SCAP: variants seen among roughly 807,000 people sequenced by gnomAD.
SCAP encodes the protein sterol regulatory element-binding protein cleavage-activating protein.
A neutral mutation model predicts 123.6 loss-of-function variants in SCAP; 65 were observed. The observed-to-expected ratio is 0.53, with a 90% CI of 0.43 to 0.65. SCAP has a LOEUF of 0.65. Ranked by LOEUF, SCAP falls within the 30% of genes least tolerant of loss-of-function variation. The probability of loss-of-function intolerance (pLI) is 0.00; values close to 1 mark genes in which losing one functional copy is unlikely to be tolerated. For synonymous variants in SCAP, 740 were observed against 726.3 expected (o/e 1.02, Z -0.30); for missense variants, 1,398 against 1,712.5 (o/e 0.82, Z 3.24).
At chr3:47,431,734 T>C (rs976937895) in intron 3 of SCAP, among the ~76,000 whole-genome samples, 1 of 152,196 alleles carries the variant, frequency 6.6e-6, no homozygotes, top group African/African-American at 2.4e-5. Context: ...CAATGTGATT[T>C]ATCACTGCTG....
chr3:47,420,980 T>C lies in SCAP; in HGVS notation c.1295A>G (p.Gln432Arg), dbSNP rs1470759589. The change falls in exon 11 of 23, where the codon CAG becomes CGG. Residue 432 changes from glutamine to arginine, a missense_variant. Transcript: ENST00000265565. This position sits in a 1 kb window ranked among gnomAD's most constrained non-coding sequence, Gnocchi z 5.0. ...CAGGACAGTGGTGAAAAACAGCATCTGAAGGAAGAAGTCAGACACCAGCCC... is the reference window on the plus strand; with the variant it reads ...CAGGACAGTGGTGAAAAACAGCATCCGAAGGAAGAAGTCAGACACCAGCCC... Reference protein sequence around the residue: ...VVGLVSDFFLQMLFFTTVLSI... With the variant: ...VVGLVSDFFLRMLFFTTVLSI... The C allele has an allele frequency of 3.1e-6, 5 of 1,613,806 alleles. No individual in the cohort carries two copies. Among genetic ancestry groups the C allele is most frequent in the Non-Finnish European group, 4.2e-6 (5 of 1,180,002 alleles).
chr3:47,465,149 T>C (rs933001762), intron 1 of SCAP, among the ~76,000 whole-genome samples: 5 of 151,798 alleles, frequency 3.3e-5, no homozygotes, highest in Middle Eastern at 3.2e-3. Flanking sequence ...CCCACTTTCA[T>C]GGATTGGAAG....
At chr3:47,432,147 T>C (rs1407755736) in intron 3 of SCAP, among the ~76,000 whole-genome samples, 1 of 151,218 alleles carries the variant, frequency 6.6e-6, no homozygotes, top group Non-Finnish European at 1.5e-5. Context: ...TGAAACCCCG[T>C]CTCTACTAAA....
chr3:47,474,730 A>T (rs976664239), intron 1 of SCAP, among the ~76,000 whole-genome samples: 6 of 151,578 alleles, frequency 4.0e-5, no homozygotes, highest in African/African-American at 1.5e-4. Context: ...CCAGGAAATC[A>T]AGGCTGCAGT....
chr3:47,473,345 C>T (rs1708142694), intron 1 of SCAP, among the ~76,000 whole-genome samples: 1 of 152,102 alleles, frequency 6.6e-6, no homozygotes, highest in South Asian at 2.1e-4. Flanking sequence ...CACAAGTGCT[C>T]GATATCACCC....
At chr3:47,447,701 A>G (rs978408216) in intron 1 of SCAP, among the ~76,000 whole-genome samples, 20 of 150,892 alleles carry the variant, frequency 1.3e-4, no homozygotes, top group Non-Finnish European at 1.5e-5. Context: ...AAAAAAAAAG[A>G]AAAGAAAAGA....
At position 47,417,806 on chromosome 3, in the gene SCAP, C is replaced by T; in HGVS notation, c.2468G>A (p.Gly823Asp). Residue 823 changes from glycine (G) to aspartate (D), a missense_variant, in exon 17 of 23, where the codon GGC (glycine) becomes GAC (aspartate). By Grantham distance (94) the Gly-to-Asp change is moderately conservative. This residue lies in a region of SCAP where 828 missense variants were observed against 882.5 expected (regional missense o/e 0.94). Coordinates refer to ENST00000265565, the MANE Select transcript of SCAP (RefSeq NM_012235.4). ...CTGAGCCTCAAGCCCGCTGCCCACG[C>T]CACTGTCCCGGCGCTGCCTGCTGGG... ...PRPGRQRRDSGVGSGLEAQES... is the reference protein window; with the variant it reads ...PRPGRQRRDSDVGSGLEAQES... 6.8e-7 allele frequency: 1 copy of T among 1,478,540 alleles called. No individual in the cohort carries two copies. Among genetic ancestry groups the T allele is most frequent in the South Asian group, 1.1e-5 (1 of 87,050 alleles). The allele number at this position is 1,478,540 out of a possible 1,614,324, so 91.6% of individuals were successfully genotyped here.
rs745442359 is a variant in SCAP, at chr3:47,418,363, G to C, written c.2289C>G (p.Pro763=). The change falls in exon 15 of 23, where the codon CCC becomes CCG. Residue 763 remains proline (P), a synonymous_variant. Coordinates refer to ENST00000265565, the MANE Select transcript of SCAP (RefSeq NM_012235.4). ...GCACAAGCGGCACGATCTCCGTCTC[G>C]GGTGGCGCATAGCCGTAGTCGTCGC... The part of the protein sequence containing the change: ...LPCDDYGYAP[P]ETEIVPLVLR... 1.3e-6 allele frequency: 2 copies of C among 1,571,548 alleles called. No homozygotes were observed. The highest frequency in any genetic ancestry group is 1.4e-5 in the African/African-American group (1 of 74,064).
At chr3:47,455,581 C>A (rs1355323541) in intron 1 of SCAP, among the ~76,000 whole-genome samples, 2 of 109,324 alleles carry the variant, frequency 1.8e-5, no homozygotes, top group African/African-American at 3.6e-5. Context: ...GGTGACAGAG[C>A]AAGACTCCAC....
At chr3:47,476,782 C>T (rs1296177372), upstream of SCAP, among the ~76,000 whole-genome samples, 1 of 152,138 alleles carries the variant, frequency 6.6e-6, no homozygotes, top group Non-Finnish European at 1.5e-5. Flanking sequence ...CCCACCTGCC[C>T]AGCTCTGGCC....
intron 1 of SCAP, among the ~76,000 whole-genome samples, chr3:47,448,627 C>T (rs781220425): frequency 6.6e-6 from 1 of 151,898 alleles, no homozygotes; most frequent in East Asian, 1.9e-4. Flanking sequence ...TTCATGTTCA[C>T]TGACTCTTCT....
At chr3:47,438,057 A>G (rs1397389683) in intron 2 of SCAP, among the ~76,000 whole-genome samples, 1 of 152,218 alleles carries the variant, frequency 6.6e-6, no homozygotes, top group Non-Finnish European at 1.5e-5. Flanking sequence ...CATTTAGAGG[A>G]AGAGACAGTG....
At chr3:47,434,470 C>T (rs895765012) in intron 3 of SCAP, among the ~76,000 whole-genome samples, 1 of 152,180 alleles carries the variant, frequency 6.6e-6, no homozygotes, top group East Asian at 1.9e-4. Context: ...CAGTGTTCGG[C>T]CCAGAGACAG....
At chr3:47,468,824 G>A (rs565630371) in intron 1 of SCAP, among the ~76,000 whole-genome samples, 3 of 152,246 alleles carry the variant, frequency 2.0e-5, no homozygotes, top group East Asian at 3.9e-4. Context: ...TATTGCCTAG[G>A]TTTTCTTCTA....
At position 47,442,913 on chromosome 3, in the gene SCAP, G is replaced by A. The variant is rs1230158686; in HGVS notation, c.81C>T (p.Ile27=). 1.9e-6 allele frequency: 3 copies of A among 1,614,072 alleles called. No homozygotes were observed. The highest frequency in any genetic ancestry group is 2.7e-5 in the African/African-American group (2 of 74,914). Reference sequence around the variant, plus strand: ...AGAACCCTGTGAAGAGGATGATGGGGATGGGATAGGATGCACAGAGGAGCC... The same window carrying A: ...AGAACCCTGTGAAGAGGATGATGGGAATGGGATAGGATGCACAGAGGAGCC... ...NHGLLCASYP[I]PIILFTGFCI... is the part of the protein sequence containing the mutation. The change falls in exon 2 of 23, where the codon ATC becomes ATT. Residue 27 remains isoleucine, a synonymous_variant. Coordinates refer to ENST00000265565, the MANE Select transcript of SCAP (RefSeq NM_012235.4).
chr3:47,419,613 G>C lies in SCAP; in HGVS notation c.1655C>G (p.Pro552Arg). ...GGGAGCCAGGGCTCCCTCACCCAAT[G>C]GGCTCTGTTCCGTCACCTGGGCAGC... ...YLAAQVTEQSPLGEGALAPMP... is the reference protein window; with the variant it reads ...YLAAQVTEQSRLGEGALAPMP... The change falls in exon 13 of 23, where the codon CCA (proline) becomes CGA (arginine). Residue 552 changes from proline (P) to arginine (R), a missense_variant. Physicochemically the swap from Pro to Arg is moderately radical, Grantham distance 103 (BLOSUM62 -2). Transcript: ENST00000265565. The surrounding 1 kb of genome is among the most constrained non-coding windows in gnomAD (Gnocchi z 5.0). The C allele has an allele frequency of 6.2e-7, 1 of 1,600,916 alleles. No homozygotes were observed. Among genetic ancestry groups the C allele is most frequent in the Non-Finnish European group, 8.5e-7 (1 of 1,172,722 alleles).
At position 47,417,140 on chromosome 3, in the gene SCAP, A is replaced by T. The variant is rs1419055064; in HGVS notation, c.3038T>A (p.Leu1013Gln). 1 of 1,613,108 alleles carries T rather than the reference A, an allele frequency of 6.2e-7. No homozygotes were observed. Among genetic ancestry groups the T allele is most frequent in the Non-Finnish European group, 8.5e-7 (1 of 1,180,010 alleles). Residue 1013 changes from leucine to glutamine, a missense_variant, in exon 18 of 23, where the codon CTG becomes CAG. Physicochemically the swap from Leu to Gln is moderately radical, Grantham distance 113 (BLOSUM62 -2). Around this residue, in one of 7 missense-constraint regions of SCAP, gnomAD observed 828 missense variants for 882.5 expected, o/e 0.94. Coordinates refer to ENST00000265565, the MANE Select transcript of SCAP (RefSeq NM_012235.4). ...SEEVSSGITA[L>Q]VFLDKRIVAA... ...CGCTCACCTTTTGTCCAAGAACACC[A>T]GAGCGGTAATGCCTGAGGAGACCTC...
At chr3:47,422,761 G>A (rs1705961319) in intron 9 of SCAP, 1 of 497,956 alleles carries the variant, frequency 2.0e-6, no homozygotes, top group Non-Finnish European at 3.6e-6. Flanking sequence ...TTCACAGCCT[G>A]GAGGGTGCAG....
chr3:47,454,654 A>C (rs1707350399), intron 1 of SCAP, among the ~76,000 whole-genome samples: 1 of 152,100 alleles, frequency 6.6e-6, no homozygotes, highest in African/African-American at 2.4e-5. Flanking sequence ...GCTTGAACGC[A>C]GGAGAATCGC....
Sources: allele counts gnomAD v4.1 joint callset (sites outside exome capture counted in the v4.1 genomes callset), GRCh38; gene constraint gnomAD v4.1.1; regional missense constraint gnomAD v4.1.1; non-coding constraint Gnocchi (gnomAD v3.1); transcripts MANE v1.5; gene names NCBI Gene and HGNC (gene_info 2026-07-23, HGNC 2026-07-21).